UNC79: variants seen among roughly 807,000 people sequenced by gnomAD.
UNC79 encodes protein unc-79 homolog.
A neutral mutation model predicts 283.1 loss-of-function variants in UNC79; 37 were observed. The ratio of observed to expected loss-of-function variants is 0.13; its 90% CI spans 0.10 to 0.17. UNC79 has a LOEUF of 0.17. Ranked by LOEUF, UNC79 falls within the 10% of genes least tolerant of loss-of-function variation. The pLI, the probability that UNC79 is intolerant of heterozygous loss-of-function variation, is 1.00. For missense variants in UNC79, 2,272 were observed against 3,211.1 expected (o/e 0.71, Z 7.07); for synonymous variants, 1,107 against 1,200.2 (o/e 0.92, Z 1.61).
chr14:93,450,171 G>A (rs1459738150), intron 1 of UNC79, among the ~76,000 whole-genome samples: 1 of 152,076 alleles, frequency 6.6e-6, no homozygotes, highest in East Asian at 1.9e-4. Context: ...GTCAGGGAGT[G>A]GGTTACTCTA....
At chr14:93,450,525 C>G (rs1349597923) in intron 1 of UNC79, among the ~76,000 whole-genome samples, 1 of 152,020 alleles carries the variant, frequency 6.6e-6, no homozygotes, top group Admixed American at 6.6e-5. Flanking sequence ...CTAAATACGC[C>G]TTTATTTTTG....
intron 1 of UNC79, among the ~76,000 whole-genome samples, chr14:93,401,615 AG>A (rs1332324057): frequency 6.6e-6 from 1 of 152,206 alleles, no homozygotes; most frequent in Admixed American, 6.5e-5. Flanking sequence ...CTCCACCTCA[AG>A]AAAAGAGTCT....
At chr14:93,396,306 G>A (rs969119052) in intron 1 of UNC79, among the ~76,000 whole-genome samples, 1 of 151,140 alleles carries the variant, frequency 6.6e-6, no homozygotes, top group Non-Finnish European at 1.5e-5. Context: ...TTTCTATTTA[G>A]TGAGACATGA....
At chr14:93,372,797 A>C (rs967506803) in intron 1 of UNC79, among the ~76,000 whole-genome samples, 4 of 152,234 alleles carry the variant, frequency 2.6e-5, no homozygotes, top group African/African-American at 4.8e-5. Context: ...GAACTCAACA[A>C]CACCATCAAT....
rs183470022 is a variant in UNC79, at chr14:93,686,550, C to A, written c.6820-22C>A. ...TCAGGGCAAAAATGAAGGTGTGACC[C>A]AGCTGTGTCCTTGTGTTTCAGTGTG... On this transcript the variant is annotated intron_variant, in intron 42 of 48. Transcript: ENST00000555664. 287 of 1,613,206 alleles carry A rather than the reference C, an allele frequency of 1.8e-4. 1 individual carries two copies. The East Asian group carries it at 5.5e-3, about 31-fold the overall frequency.
At chr14:93,622,586 A>C in exon 30 of UNC79, 2 of 1,614,076 alleles carry the variant, frequency 1.2e-6, no homozygotes. Flanking sequence ...AGGGGCAAAA[A>C]CCGTCCTCCT....
chr14:93,365,384 CAAA>C (rs34673069), intron 1 of UNC79, among the ~76,000 whole-genome samples: 16,204 of 108,050 alleles, frequency 0.15, 1,121 homozygotes, highest in African/African-American at 0.27. Flanking sequence ...TACTCCATCT[CAAA>C]AAAAAAAAAA....
chr14:93,605,073 C>A (rs1193330317), intron 26 of UNC79, 112 bp downstream of exon 27: 1 of 1,143,900 alleles, frequency 8.7e-7, no homozygotes, highest in Non-Finnish European at 1.2e-6. Context: ...GATTTGCAAG[C>A]TCAGAAGGGT....
At chr14:93,540,239 T>C (rs2061311408) in intron 12 of UNC79, among the ~76,000 whole-genome samples, 3 of 152,308 alleles carry the variant, frequency 2.0e-5, no homozygotes, top group Middle Eastern at 3.4e-3. Flanking sequence ...TATCAGATGG[T>C]GAATATTTTT....
At chr14:93,436,750 G>A (rs2056097565) in intron 1 of UNC79, among the ~76,000 whole-genome samples, 1 of 152,046 alleles carries the variant, frequency 6.6e-6, no homozygotes, top group Non-Finnish European at 1.5e-5. Context: ...AGTGCATTAA[G>A]CAAAAAATAT....
intron 14 of UNC79, among the ~76,000 whole-genome samples, chr14:93,568,351 C>T (rs2063019008): frequency 6.6e-6 from 1 of 151,904 alleles, no homozygotes; most frequent in African/African-American, 2.4e-5. Context: ...CAAATAGAGA[C>T]CTTATAACTT....
chr14:93,580,340 G>A (rs747936541), exon 19 of UNC79: 12 of 1,614,156 alleles, frequency 7.4e-6, no homozygotes, highest in Non-Finnish European at 9.3e-6. Context: ...GTGAACTCCT[G>A]GAGAGACTAG....
chr14:93,701,021 T>G (rs1323387778), intron 47 of UNC79, among the ~76,000 whole-genome samples: 2 of 152,086 alleles, frequency 1.3e-5, no homozygotes, highest in Non-Finnish European at 2.9e-5. Context: ...TCTCTGTAGA[T>G]CTCTCCTGTC....
chr14:93,560,471 C>A (rs2062475105), intron 14 of UNC79, among the ~76,000 whole-genome samples: 1 of 152,154 alleles, frequency 6.6e-6, no homozygotes, highest in South Asian at 2.1e-4. Context: ...GTGATGCTAG[C>A]AGAGAAGTCA....
rs144899058 is a variant in UNC79 at position 93,572,859 on chromosome 14, AGCT to A, written c.2070+44_2070+46del. 1,495 of 1,604,328 alleles carry A rather than the reference AGCT, an allele frequency of 9.3e-4. 12 individuals are homozygous for A. In the African/African-American group the frequency reaches 0.017, roughly 18 times the overall value. Reference sequence around the variant, plus strand: ...TCGATCATTTTAGGAAATAGTTCTTAGCTTATAAGCTTTAGATCCCTGGATCGA... The same window carrying A: ...TCGATCATTTTAGGAAATAGTTCTTATATAAGCTTTAGATCCCTGGATCGA... On this transcript the variant is annotated intron_variant, in intron 16 of 48. Coordinates refer to ENST00000555664, the Ensembl canonical transcript of UNC79.
chr14:93,582,485 C>T, intron 20 of UNC79, 141 bp downstream of exon 20: 1 of 1,243,412 alleles, frequency 8.0e-7, no homozygotes, highest in Non-Finnish European at 1.1e-6. Context: ...GAACATCTCC[C>T]AGCGGATTAT....
chr14:93,670,235 T>C (rs2072693141), intron 40 of UNC79, among the ~76,000 whole-genome samples: 1 of 152,204 alleles, frequency 6.6e-6, no homozygotes, highest in Admixed American at 6.5e-5. Context: ...TTCTGCAGAA[T>C]AGACTCATTT....
exon 9 of UNC79, chr14:93,528,628 G>T (rs779191555): frequency 6.2e-7 from 1 of 1,613,898 alleles, no homozygotes; most frequent in Non-Finnish European, 8.5e-7. Context: ...TGTGAAGAAT[G>T]CAGCGAGAGG....
In UNC79 at chr14:93,704,531, G is replaced by A. The variant is rs916255814; in HGVS notation, c.7549-94G>A. 6.8e-5 allele frequency: 95 copies of A among 1,399,310 alleles called. 1 individual carries two copies. The highest frequency in any genetic ancestry group is 2.9e-5 in the Non-Finnish European group (29 of 985,568). The allele number at this position is 1,399,310 out of a possible 1,614,324, so 86.7% of individuals were successfully genotyped here. ...CCCACATCCGTGCGCGACGTGAAAG[G>A]GATTCAATGTGGCCTGTTTTCCCTT... On this transcript the variant is annotated intron_variant, in intron 47 of 48. Transcript: ENST00000555664.
Sources: allele counts gnomAD v4.1 joint callset (sites outside exome capture counted in the v4.1 genomes callset), GRCh38; gene constraint gnomAD v4.1.1; transcripts MANE v1.5; gene names NCBI Gene and HGNC (gene_info 2026-07-23, HGNC 2026-07-21).